Variants in CD9 observed in about 807,000 individuals in gnomAD.
CD9 encodes CD9 antigen.
CD9 carries 10 observed loss-of-function variants against 31.4 expected under a neutral mutation model. The observed-to-expected ratio is 0.32, with a 90% confidence interval of 0.20 to 0.54. The LOEUF (loss-of-function observed/expected upper bound fraction) is 0.54. Ranked by LOEUF, CD9 falls within the 20% of genes least tolerant of loss-of-function variation. CD9 has a pLI of 0.94. For synonymous variants in CD9, 113 were observed against 114.1 expected (o/e 0.99, Z 0.06); for missense variants, 259 against 300.1 (o/e 0.86, Z 1.01).
At chr12:6,218,617 A>G (rs1002638157) in intron 1 of CD9, among the ~76,000 whole-genome samples, 33 of 152,154 alleles carry the variant, frequency 2.2e-4, no homozygotes, top group African/African-American at 9.7e-5. Flanking sequence ...TTACACTTTG[A>G]TGTTTTTTGT....
chr12:6,235,223 T>C lies in CD9; in HGVS notation c.349-6T>C. The C allele has an allele frequency of 6.3e-7, 1 of 1,595,014 alleles. No individual in the cohort carries two copies. The highest frequency in any genetic ancestry group is 2.2e-5 in the East Asian group (1 of 44,506). On this transcript the variant is annotated splice_polypyrimidine_tract_variant and splice_region_variant and intron_variant, in intron 4 of 7. Transcript: ENST00000009180. ...TCTCTGCCCCTCTCTCGTCTGCCCATTGTAGGTGATTAAGGAAGTCCAGGA... is the reference window on the plus strand; with the variant it reads ...TCTCTGCCCCTCTCTCGTCTGCCCACTGTAGGTGATTAAGGAAGTCCAGGA...
At chr12:6,227,468 G>A (rs1208865080) in intron 2 of CD9, among the ~76,000 whole-genome samples, 1 of 152,180 alleles carries the variant, frequency 6.6e-6, no homozygotes, top group Non-Finnish European at 1.5e-5. Flanking sequence ...GAAGTGATGG[G>A]ATGACAGGCG....
At chr12:6,223,999 G>A (rs1946328918) in intron 1 of CD9, among the ~76,000 whole-genome samples, 1 of 152,086 alleles carries the variant, frequency 6.6e-6, no homozygotes, top group African/African-American at 2.4e-5. Context: ...GTCCAGCCGC[G>A]GGGCATGTGG....
chr12:6,221,505 C>T (rs1244850753), intron 1 of CD9, among the ~76,000 whole-genome samples: 2 of 152,190 alleles, frequency 1.3e-5, no homozygotes, highest in Non-Finnish European at 2.9e-5. Flanking sequence ...ACATGGTCAG[C>T]ATGCCGCCAT....
intron 1 of CD9, among the ~76,000 whole-genome samples, chr12:6,211,116 T>C (rs1481973073): frequency 6.6e-6 from 1 of 152,130 alleles, no homozygotes; most frequent in Non-Finnish European, 1.5e-5. Context: ...GATTACAGGC[T>C]TGAGCCACCG....
intron 3 of CD9, chr12:6,233,203 G>A (rs946293154): frequency 2.5e-5 from 16 of 635,532 alleles, no homozygotes; most frequent in African/African-American, 1.3e-4. Context: ...CCTCATGTCC[G>A]GGCACCTTGC....
intron 2 of CD9, among the ~76,000 whole-genome samples, chr12:6,227,016 G>A (rs755659779): frequency 4.6e-5 from 7 of 152,124 alleles, no homozygotes; most frequent in African/African-American, 1.4e-4. Context: ...TGGCCGGCGC[G>A]TGTGTCTCCA....
intron 1 of CD9, among the ~76,000 whole-genome samples, chr12:6,206,267 G>A (rs1946131099): frequency 6.6e-6 from 1 of 151,482 alleles, no homozygotes; most frequent in Non-Finnish European, 1.5e-5. Context: ...CCAGGCTGGA[G>A]TGCAGTGTTA....
intron 1 of CD9, among the ~76,000 whole-genome samples, chr12:6,215,197 A>G (rs1240959740): frequency 6.6e-6 from 1 of 152,058 alleles, no homozygotes; most frequent in Admixed American, 6.5e-5. Context: ...AGCTCTCCCT[A>G]ACACACACAA....
chr12:6,207,622 C>G (rs752765151), intron 1 of CD9, among the ~76,000 whole-genome samples: 3 of 152,182 alleles, frequency 2.0e-5, no homozygotes, highest in Non-Finnish European at 4.4e-5. Flanking sequence ...CAAATGCAGA[C>G]GGAAAGTCTC....
intron 1 of CD9, among the ~76,000 whole-genome samples, chr12:6,223,294 CT>C (rs1946316751): frequency 1.3e-5 from 2 of 148,768 alleles, no homozygotes; most frequent in South Asian, 4.2e-4. Flanking sequence ...GGGAGTCTCG[CT>C]CTGTCGCCCA....
intron 1 of CD9, among the ~76,000 whole-genome samples, chr12:6,214,344 C>CTTT (rs71450123): frequency 0.02 from 1,327 of 66,980 alleles, 177 homozygotes; most frequent in African/African-American, 0.066. Context: ...CCATTAGCCT[C>CTTT]TTTTTTTTTT....
chr12:6,203,023 T>C (rs1946093438), intron 1 of CD9, among the ~76,000 whole-genome samples: 1 of 152,160 alleles, frequency 6.6e-6, no homozygotes, highest in Non-Finnish European at 1.5e-5. Flanking sequence ...CCCTCATCCC[T>C]AGGAGATGAT....
At chr12:6,218,702 TC>T (rs1280195515) in intron 1 of CD9, among the ~76,000 whole-genome samples, 1 of 152,192 alleles carries the variant, frequency 6.6e-6, no homozygotes, top group East Asian at 1.9e-4. Context: ...TCTGAACCTG[TC>T]CCTGCAGCAA....
chr12:6,205,534 T>C (rs947144444), intron 1 of CD9, among the ~76,000 whole-genome samples: 8 of 152,304 alleles, frequency 5.3e-5, no homozygotes, highest in South Asian at 2.1e-4. Flanking sequence ...CAAATCAGCC[T>C]TCTCACCCCT....
chr12:6,220,270 A>G (rs1012241257), intron 1 of CD9, among the ~76,000 whole-genome samples: 2 of 152,220 alleles, frequency 1.3e-5, no homozygotes, highest in Non-Finnish European at 2.9e-5. Flanking sequence ...CAGAGGCACA[A>G]TGCACGAGGC....
At chr12:6,211,128 G>C (rs1006591042) in intron 1 of CD9, among the ~76,000 whole-genome samples, 3 of 152,156 alleles carry the variant, frequency 2.0e-5, no homozygotes, top group Non-Finnish European at 4.4e-5. Context: ...GAGCCACCGT[G>C]CCCGGCCCGA....
At chr12:6,201,126 G>C (rs1244620246) in intron 1 of CD9, among the ~76,000 whole-genome samples, 1 of 152,216 alleles carries the variant, frequency 6.6e-6, no homozygotes, top group African/African-American at 2.4e-5. Flanking sequence ...CCGGCCCCGG[G>C]ACCCAGTCCC....
intron 1 of CD9, among the ~76,000 whole-genome samples, chr12:6,215,236 C>G (rs967822346): frequency 6.6e-6 from 1 of 152,196 alleles, no homozygotes; most frequent in Non-Finnish European, 1.5e-5. Context: ...GAAGCTCACA[C>G]CTCCCATCCA....
Sources: gnomAD v4.1 joint callset for allele counts (sites outside exome capture counted in the v4.1 genomes callset) on GRCh38, gnomAD v4.1.1 for gene constraint, MANE v1.5 for transcripts, NCBI Gene and HGNC (gene_info 2026-07-23, HGNC 2026-07-21) for gene names.